Variants in INHBA observed in about 807,000 individuals in gnomAD.
INHBA encodes the protein inhibin beta A chain.
INHBA carries 1 observed loss-of-function variant against 29.0 expected under a neutral mutation model. That is an observed-to-expected ratio of 0.03 (90% CI 0.01 to 0.16). The LOEUF is 0.16. Ranked by LOEUF, INHBA falls within the 10% of genes least tolerant of loss-of-function variation. INHBA has a pLI of 1.00. For synonymous variants in INHBA, 242 were observed against 216.8 expected, an observed-to-expected ratio of 1.12 and a Z score of -1.02; for missense variants, 376 against 545.4, an observed-to-expected ratio of 0.69 and a Z score of 3.09.
chr7:41,693,320 G>A (rs1794562813), intron 2 of INHBA, among the ~76,000 whole-genome samples: 1 of 152,186 alleles, frequency 6.6e-6, no homozygotes, highest in Non-Finnish European at 1.5e-5. Flanking sequence ...AAGGGGTCAG[G>A]GTGAAGCCGA....
intron 2 of INHBA, among the ~76,000 whole-genome samples, chr7:41,698,377 G>T (rs1373412996): frequency 3.9e-5 from 6 of 152,166 alleles, no homozygotes; most frequent in African/African-American, 1.4e-4. Flanking sequence ...CATGTGTGGA[G>T]GTTGGTATAC....
chr7:41,702,022 C>G (rs1241694570), intron 1 of INHBA, among the ~76,000 whole-genome samples: 1 of 152,084 alleles, frequency 6.6e-6, no homozygotes, highest in Non-Finnish European at 1.5e-5. Flanking sequence ...TTGCTTTTAT[C>G]TTGCAGAAGA....
chr7:41,685,311 T>C lies in INHBA; in HGVS notation c.*4339A>G, dbSNP rs1794375574. 6.6e-6 allele frequency: 1 copy of C among 152,092 alleles called. No individual in the cohort carries two copies. The highest frequency in any genetic ancestry group is 1.5e-5 in the Non-Finnish European group (1 of 67,976). 9.4% of individuals were successfully genotyped at this position (152,092 alleles called of 1,614,324 possible). On this transcript the variant is annotated 3_prime_UTR_variant, in exon 3 of 3. Coordinates refer to ENST00000242208, the MANE Select transcript of INHBA (RefSeq NM_002192.4). Reference sequence around the variant, plus strand: ...TCAAACTGTTATCTCTTTAAACATATTGTAAATAAAAAAATTACCAGTACT... The same window carrying C: ...TCAAACTGTTATCTCTTTAAACATACTGTAAATAAAAAAATTACCAGTACT...
chr7:41,688,838 A>C lies in INHBA; in HGVS notation c.*812T>G, dbSNP rs1794437807. On this transcript the variant is annotated 3_prime_UTR_variant, in exon 3 of 3. Coordinates refer to ENST00000242208, the MANE Select transcript of INHBA (RefSeq NM_002192.4). ...AAATTAATCAGATTACTTCCAATACAAAAAAGTCTCTCTTTTTGTTCTCTC... is the reference window on the plus strand; with the variant it reads ...AAATTAATCAGATTACTTCCAATACCAAAAAGTCTCTCTTTTTGTTCTCTC... 4.5e-6 allele frequency: 1 copy of C among 220,332 alleles called. No homozygotes were observed. 13.6% of individuals were successfully genotyped at this position (220,332 alleles called of 1,614,324 possible).
chr7:41,697,173 T>G (rs1373167092), intron 2 of INHBA, among the ~76,000 whole-genome samples: 4 of 152,218 alleles, frequency 2.6e-5, no homozygotes, highest in Non-Finnish European at 4.4e-5. Context: ...CCTTCTATCT[T>G]TCCTTGTGAA....
rs1420480749 is a variant in INHBA at position 41,685,446 on chromosome 7, G to A, written c.*4204C>T. 1 of 151,936 alleles carries A rather than the reference G, an allele frequency of 6.6e-6. No individual in the cohort carries two copies. The highest frequency in any genetic ancestry group is 1.5e-5 in the Non-Finnish European group (1 of 67,914). The allele number at this position is 151,936 out of a possible 1,614,324, so 9.4% of individuals were successfully genotyped here. A position where few individuals can be genotyped will look rare whatever the true frequency, so the allele number is the denominator to read the frequency against. On this transcript the variant is annotated 3_prime_UTR_variant, in exon 3 of 3. Transcript: ENST00000242208. ...GACATTGGTTAAAGAACTGCATGTA[G>A]TATGCAAAACAAAACAAAACAAAAC...
At chr7:41,690,606 C>T (rs1794480633) in intron 2 of INHBA, 64 bp from the exon 3 acceptor site, 4 of 1,463,336 alleles carry the variant, frequency 2.7e-6, no homozygotes, top group South Asian at 1.4e-5. Context: ...TTTACATGCA[C>T]TCGTAAATTT....
Position 41,699,979 on chromosome 7 carries a change from G to A in INHBA, c.388+8C>T, listed in dbSNP as rs753742298. 1.5e-6 allele frequency: 2 copies of A among 1,377,568 alleles called. No individual in the cohort carries two copies. The highest frequency in any genetic ancestry group is 1.9e-6 in the Non-Finnish European group (2 of 1,043,364). The allele number at this position is 1,377,568 out of a possible 1,614,324, so 85.3% of individuals were successfully genotyped here. A position where few individuals can be genotyped will look rare whatever the true frequency, so the allele number is the denominator to read the frequency against. On this transcript the variant is annotated splice_region_variant and intron_variant, in intron 2 of 2. Transcript: ENST00000242208. ...CCCTCCCCACCCCCTGCCAATGCCA[G>A]CACCAACCTGACTCGGCAAACGTGA... is the stretch of plus-strand genomic sequence containing the variant.
rs1399739221 is a variant in INHBA, at chr7:41,689,773, G to T, written c.1158C>A (p.Asn386Lys). ...TGGTGGGCACACAGCACGATTTGAGGTTGGCAAAGGGGCTATGGCCCCGCA... is the reference window on the plus strand; with the variant it reads ...TGGTGGGCACACAGCACGATTTGAGTTTGGCAAAGGGGCTATGGCCCCGCA... ...YRMRGHSPFA[N>K]LKSCCVPTKL... is the part of the protein sequence containing the mutation. The change falls in exon 3 of 3, where the codon AAC becomes AAA. Residue 386 changes from asparagine to lysine, a missense_variant. Around this residue, in one of 4 missense-constraint regions of INHBA, gnomAD observed 50 missense variants for 137.9 expected, o/e 0.36. Coordinates refer to ENST00000242208, the MANE Select transcript of INHBA (RefSeq NM_002192.4). 1.2e-6 allele frequency: 2 copies of T among 1,614,058 alleles called. No homozygotes were observed. The highest frequency in any genetic ancestry group is 3.3e-5 in the Admixed American group (2 of 60,016).
intron 1 of INHBA, 68 bp from the exon 2 acceptor site, chr7:41,700,585 C>T (rs1583600408): frequency 8.8e-6 from 2 of 226,034 alleles, no homozygotes; most frequent in Middle Eastern, 1.7e-3. Flanking sequence ...GCAGTCAGTG[C>T]TGTAGGTTTG....
At chr7:41,692,557 G>C (rs1040397068) in intron 2 of INHBA, 2 of 152,322 alleles carry the variant, frequency 1.3e-5, no homozygotes, top group Non-Finnish European at 2.9e-5. Context: ...GGATAGGAAA[G>C]GTTCTCTGGC....
chr7:41,696,546 A>T (rs1794652310), intron 2 of INHBA, among the ~76,000 whole-genome samples: 1 of 152,196 alleles, frequency 6.6e-6, no homozygotes, highest in Non-Finnish European at 1.5e-5. Flanking sequence ...CGCTACAGAC[A>T]GGGGCTTCCA....
chr7:41,690,243 A>C lies in INHBA; in HGVS notation c.688T>G (p.Leu230Val), dbSNP rs1489240461. The change falls in exon 3 of 3, where the codon TTG (leucine) becomes GTG (valine). Residue 230 changes from leucine to valine, a missense_variant. By Grantham distance (32) the Leu-to-Val change is conservative (BLOSUM62 1). Coordinates refer to ENST00000242208, the MANE Select transcript of INHBA (RefSeq NM_002192.4). Reference sequence around the variant, plus strand: ...AGGGAGCTCTTGCCCTGGTCCAGCAACCGCTGGATGCTGCTGGAGACAGGG... The same window carrying C: ...AGGGAGCTCTTGCCCTGGTCCAGCACCCGCTGGATGCTGCTGGAGACAGGG... Reference protein sequence around the residue: ...VFPVSSSIQRLLDQGKSSLDV... With the variant: ...VFPVSSSIQRVLDQGKSSLDV... The C allele has an allele frequency of 1.2e-6, 2 of 1,613,864 alleles. No individual in the cohort carries two copies. The highest frequency in any genetic ancestry group is 1.7e-6 in the Non-Finnish European group (2 of 1,179,992).
chr7:41,688,269 T>G lies in INHBA; in HGVS notation c.*1381A>C, dbSNP rs1438345541. 2 of 152,218 alleles carry G rather than the reference T, an allele frequency of 1.3e-5. No individual in the cohort carries two copies. The highest frequency in any genetic ancestry group is 1.3e-4 in the Admixed American group (2 of 15,286). 9.4% of individuals were successfully genotyped at this position (152,218 alleles called of 1,614,324 possible). On this transcript the variant is annotated 3_prime_UTR_variant, in exon 3 of 3. Coordinates refer to ENST00000242208, the MANE Select transcript of INHBA (RefSeq NM_002192.4). The stretch of plus-strand genomic sequence containing the variant: ...CAATGTATATATACACATACAAGCA[T>G]GTAGTTCCATGAATTTGATTGAACT...
rs1794689034 is a variant in INHBA, at chr7:41,698,054, T to A, written c.388+1933A>T. Among the ~76,000 whole-genome samples the A allele has an allele frequency of 3.9e-5, 6 of 152,306 alleles. No homozygotes were observed. In the South Asian group the frequency reaches 1.2e-3, roughly 32 times the overall value. On this transcript the variant is annotated intron_variant, in intron 2 of 2. Transcript: ENST00000242208. ...ATGTGAACGTCCAACGAATCGCTTT[T>A]TCAAAAGTCGCTCATTTTTTTTCAA...
chr7:41,700,467 TTA>T lies in INHBA; in HGVS notation c.-95_-94del, dbSNP rs1794755708. 4.0e-6 allele frequency: 5 copies of T among 1,240,728 alleles called. No homozygotes were observed. The highest frequency in any genetic ancestry group is 2.8e-5 in the Admixed American group (1 of 36,122). 76.9% of individuals were successfully genotyped at this position (1,240,728 alleles called of 1,614,324 possible). On this transcript the variant is annotated 5_prime_UTR_variant, in exon 2 of 3. Coordinates refer to ENST00000242208, the MANE Select transcript of INHBA (RefSeq NM_002192.4). Reference sequence around the variant, plus strand: ...GGTTTTTTTGTGTGTGTGGATTTTTTTATTTTTTTTTTTGGTGTTTTTTTTTT... The same window carrying T: ...GGTTTTTTTGTGTGTGTGGATTTTTTTTTTTTTTTTTGGTGTTTTTTTTTT...
chr7:41,702,142 G>A (rs1267986089), intron 1 of INHBA, among the ~76,000 whole-genome samples: 1 of 152,122 alleles, frequency 6.6e-6, no homozygotes, highest in African/African-American at 2.4e-5. Flanking sequence ...GACACCTAGT[G>A]TGTTCATAGC....
chr7:41,699,495 G>T (rs1223488665), intron 2 of INHBA, among the ~76,000 whole-genome samples: 1 of 152,104 alleles, frequency 6.6e-6, no homozygotes, highest in Admixed American at 6.5e-5. Flanking sequence ...AAAGGGGAAG[G>T]TTTGTTTTAA....
chr7:41,691,286 A>G (rs1008594298), intron 2 of INHBA: 2 of 152,326 alleles, frequency 1.3e-5, no homozygotes, highest in Admixed American at 1.3e-4. Flanking sequence ...TTGCTGGGTC[A>G]CTGCAGCAGC....
Sources: gnomAD v4.1 joint callset for allele counts (sites outside exome capture counted in the v4.1 genomes callset) on GRCh38, gnomAD v4.1.1 for gene constraint, gnomAD v4.1.1 regional missense constraint, MANE v1.5 for transcripts, NCBI Gene and HGNC (gene_info 2026-07-23, HGNC 2026-07-21) for gene names.